THEMIS: variants seen among roughly 807,000 people sequenced by gnomAD.
The protein encoded by THEMIS is protein THEMIS.
Under a neutral mutation model 52.6 loss-of-function variants are expected in THEMIS, and 37 were observed. The observed-to-expected ratio is 0.70, with a 90% CI of 0.54 to 0.93. The LOEUF is 0.93. Ranked by LOEUF, THEMIS falls within the 40% of genes least tolerant of loss-of-function variation. The probability of loss-of-function intolerance (pLI) is 0.00; values close to 1 mark genes in which losing one functional copy is unlikely to be tolerated. For synonymous variants in THEMIS, 292 were observed against 272.7 expected, an observed-to-expected ratio of 1.07 and a Z score of -0.70; for missense variants, 808 against 763.1, an observed-to-expected ratio of 1.06 and a Z score of -0.69.
intron 1 of THEMIS, among the ~76,000 whole-genome samples, chr6:127,867,415 C>T (rs1486426663): frequency 1.3e-5 from 2 of 152,076 alleles, no homozygotes; most frequent in African/African-American, 4.8e-5. Flanking sequence ...GGATCTAGGA[C>T]TTTTTATGTT....
At chr6:127,891,513 G>A (rs1464598856) in intron 1 of THEMIS, among the ~76,000 whole-genome samples, 1 of 145,332 alleles carries the variant, frequency 6.9e-6, no homozygotes, top group African/African-American at 2.6e-5. Context: ...TCCAGTCTGG[G>A]TGACAGAAAG....
chr6:127,906,963 A>T (rs1458307816), intron 1 of THEMIS, among the ~76,000 whole-genome samples: 1 of 151,860 alleles, frequency 6.6e-6, no homozygotes, highest in Non-Finnish European at 1.5e-5. Context: ...CAAAAAAAAA[A>T]ATTCACAAGC....
chr6:127,885,020 T>C (rs950986497), intron 1 of THEMIS, among the ~76,000 whole-genome samples: 3 of 152,166 alleles, frequency 2.0e-5, no homozygotes, highest in Non-Finnish European at 4.4e-5. Context: ...ACCTAATCAC[T>C]TCCTTAGAGG....
chr6:127,722,818 A>G (rs1026564394), intron 4 of THEMIS, among the ~76,000 whole-genome samples: 9 of 152,008 alleles, frequency 5.9e-5, no homozygotes, highest in African/African-American at 1.9e-4. Context: ...CATTTTTCAT[A>G]AAAAGGCTTT....
rs897411730 is a variant in THEMIS at position 127,726,717 on chromosome 6, C to A, written c.1759-6894G>T. On this transcript the variant is annotated intron_variant, in intron 4 of 5. Transcript: ENST00000368248. Reference sequence around the variant, plus strand: ...AAAATCAAATACTAGTTCATGGATGCGGGAAGAACTCAATATAATCACATA... The same window carrying A: ...AAAATCAAATACTAGTTCATGGATGAGGGAAGAACTCAATATAATCACATA... 3.3e-5 allele frequency among the ~76,000 whole-genome samples: 5 copies of A among 152,112 alleles called. No homozygotes were observed. The South Asian group carries it at 8.3e-4, about 25-fold the overall frequency.
chr6:127,880,813 G>A (rs900574790), intron 1 of THEMIS, among the ~76,000 whole-genome samples: 2 of 151,904 alleles, frequency 1.3e-5, no homozygotes, highest in Admixed American at 6.6e-5. Context: ...GTCCTAATAA[G>A]TTATTTTTAA....
At position 127,708,814 on chromosome 6, in the gene THEMIS, G is replaced by T. The variant is rs977275656; in HGVS notation, c.*1171C>A. 17 of 151,878 alleles carry T rather than the reference G, an allele frequency of 1.1e-4. No individual in the cohort carries two copies. Among genetic ancestry groups the T allele is most frequent in the African/African-American group, 4.1e-4 (17 of 41,384 alleles). The allele number at this position is 151,878 out of a possible 1,614,324, so 9.4% of individuals were successfully genotyped here. A position where few individuals can be genotyped will look rare whatever the true frequency, so the allele number is the denominator to read the frequency against. On this transcript the variant is annotated 3_prime_UTR_variant, in exon 6 of 6. Transcript: ENST00000368248. The stretch of plus-strand genomic sequence containing the variant: ...AAACTCTAATTTTTTTTGTTCTAAA[G>T]TTGACTCACAATTTATTGTCTTCAG...
intron 1 of THEMIS, among the ~76,000 whole-genome samples, chr6:127,890,642 A>C (rs1780776329): frequency 6.6e-6 from 1 of 152,146 alleles, no homozygotes; most frequent in Non-Finnish European, 1.5e-5. Flanking sequence ...CAGTATCCTA[A>C]TTACTCTAAC....
At chr6:127,700,446 A>T in the THEMIS span, among the ~76,000 whole-genome samples, 2 of 152,026 alleles carry the variant, frequency 1.3e-5, no homozygotes, top group East Asian at 3.8e-4. Flanking sequence ...TACCTCAAGT[A>T]CTTTGATAAC....
intron 4 of THEMIS, among the ~76,000 whole-genome samples, chr6:127,811,454 A>G (rs1777904297): frequency 1.3e-5 from 2 of 152,266 alleles, no homozygotes; most frequent in Non-Finnish European, 1.5e-5. Flanking sequence ...ACATAGTTAC[A>G]TGTCCCTCTA....
At chr6:127,846,279 A>T (rs1457787752) in intron 2 of THEMIS, among the ~76,000 whole-genome samples, 1 of 152,002 alleles carries the variant, frequency 6.6e-6, no homozygotes, top group East Asian at 1.9e-4. Flanking sequence ...ACATTATAGC[A>T]TTTAAAACAT....
downstream of THEMIS, among the ~76,000 whole-genome samples, chr6:127,706,613 G>C (rs917217876): frequency 6.6e-6 from 1 of 152,074 alleles, no homozygotes; most frequent in African/African-American, 2.4e-5. Context: ...AGACAGAAAA[G>C]AAACAAGACA....
intron 4 of THEMIS, among the ~76,000 whole-genome samples, chr6:127,740,915 C>T (rs567619705): frequency 1.7e-3 from 255 of 152,178 alleles, no homozygotes; most frequent in African/African-American, 4.9e-3. Context: ...AAAAATTTTG[C>T]TCTTGTAATA....
intron 1 of THEMIS, among the ~76,000 whole-genome samples, chr6:127,881,162 A>G (rs1038035596): frequency 3.9e-5 from 6 of 152,092 alleles, no homozygotes; most frequent in Non-Finnish European, 8.8e-5. Context: ...AGTGCCTAAC[A>G]AAATCTACCA....
intron 1 of THEMIS, among the ~76,000 whole-genome samples, chr6:127,888,533 C>T (rs930298326): frequency 3.3e-5 from 5 of 151,982 alleles, no homozygotes; most frequent in Non-Finnish European, 5.9e-5. Flanking sequence ...AAAATTATAA[C>T]AGAATACATC....
chr6:127,783,990 T>G (rs913406615), intron 4 of THEMIS, among the ~76,000 whole-genome samples: 1 of 152,156 alleles, frequency 6.6e-6, no homozygotes, highest in Non-Finnish European at 1.5e-5. Context: ...CCAACCCAAA[T>G]GCCCATCGAT....
intron 1 of THEMIS, among the ~76,000 whole-genome samples, chr6:127,886,563 G>T (rs527370221): frequency 2.6e-5 from 4 of 152,206 alleles, no homozygotes; most frequent in Non-Finnish European, 5.9e-5. Context: ...GGACCACACT[G>T]TATAAGTCTG....
Position 127,874,533 on chromosome 6 carries a change from C to T in THEMIS, c.92-19345G>A, listed in dbSNP as rs549463639. On this transcript the variant is annotated intron_variant, in intron 1 of 5. Coordinates refer to ENST00000368248, the MANE Select transcript of THEMIS (RefSeq NM_001010923.3). ...TTTTATCTTAAATATTTCTAGGCTA[C>T]GTTGTGAGTTTTTTCAAATTGTTTC... Among the ~76,000 whole-genome samples the T allele has an allele frequency of 1.1e-4, 17 of 152,116 alleles. No homozygotes were observed. In the South Asian group the frequency reaches 2.7e-3, roughly 24 times the overall value.
At chr6:127,758,467 C>G (rs774885731) in intron 4 of THEMIS, among the ~76,000 whole-genome samples, 1 of 146,912 alleles carries the variant, frequency 6.8e-6, no homozygotes, top group Non-Finnish European at 1.5e-5. Context: ...ATATTTAATA[C>G]TACAGTAAAA....
Sources: gnomAD v4.1 joint callset for allele counts (sites outside exome capture counted in the v4.1 genomes callset) on GRCh38, gnomAD v4.1.1 for gene constraint, MANE v1.5 for transcripts, NCBI Gene and HGNC (gene_info 2026-07-23, HGNC 2026-07-21) for gene names.